RTN4R: variants seen among roughly 807,000 people sequenced by gnomAD.
The protein encoded by RTN4R is reticulon-4 receptor.
A neutral mutation model predicts 27.7 loss-of-function variants in RTN4R; 4 were observed. The observed-to-expected ratio is 0.14, with a 90% CI of 0.07 to 0.33. The LOEUF (loss-of-function observed/expected upper bound fraction) is 0.33, where lower values mean the gene tolerates loss of function less well. Among genes scored for constraint, RTN4R ranks in the 10% least tolerant of loss-of-function variants. The pLI, the probability that RTN4R is intolerant of heterozygous loss-of-function variation, is 1.00. For missense variants in RTN4R, 554 were observed against 671.5 expected, an observed-to-expected ratio of 0.83 and a Z score of 1.93; for synonymous variants, 290 against 305.6, an observed-to-expected ratio of 0.95 and a Z score of 0.53.
At position 20,255,301 on chromosome 22, in the gene RTN4R, G is replaced by A. The variant is rs1460773637; in HGVS notation, c.23-12191C>T. Among the ~76,000 whole-genome samples the A allele has an allele frequency of 6.6e-6, 1 of 152,224 alleles. No homozygotes were observed. The highest frequency in any genetic ancestry group is 1.9e-4 in the East Asian group (1 of 5,204). ...GAAAAAAAAGAAAGTGTATCTTCCAGAAGGTGGAGACAAATGTAGGTTAGA... is the reference window on the plus strand; with the variant it reads ...GAAAAAAAAGAAAGTGTATCTTCCAAAAGGTGGAGACAAATGTAGGTTAGA... On this transcript the variant is annotated intron_variant, in intron 1 of 1. Transcript: ENST00000043402. This position sits in a 1 kb window ranked among gnomAD's most constrained non-coding sequence, Gnocchi z 4.8.
chr22:20,250,436 T>A (rs2051169112), intron 1 of RTN4R, among the ~76,000 whole-genome samples: 1 of 152,234 alleles, frequency 6.6e-6, no homozygotes, highest in Non-Finnish European at 1.5e-5. Flanking sequence ...CCGACCTGGT[T>A]TGTGAGCAAG....
Position 20,256,733 on chromosome 22 carries a change from C to T in RTN4R, c.22+11338G>A, listed in dbSNP as rs937929868. ...ACTCCTCCACTGGCTGCTTCTCCGA[C>T]CCCGATCATGGCTGCAGCAGGCCTG... is the stretch of plus-strand genomic sequence containing the variant. On this transcript the variant is annotated intron_variant, in intron 1 of 1. Transcript: ENST00000043402. Among the ~76,000 whole-genome samples, 79 of 152,270 alleles carry T rather than the reference C, an allele frequency of 5.2e-4. 3 individuals carry two copies. Among genetic ancestry groups the T allele is most frequent in the Non-Finnish European group, 1.5e-5 (1 of 68,048 alleles).
chr22:20,251,230 T>C (rs866244746), intron 1 of RTN4R, among the ~76,000 whole-genome samples: 2 of 151,902 alleles, frequency 1.3e-5, no homozygotes, highest in Non-Finnish European at 2.9e-5. Context: ...GGCAGATCCG[T>C]GTCGATGTAC....
At chr22:20,260,103 A>G (rs770836325) in intron 1 of RTN4R, among the ~76,000 whole-genome samples, 3 of 152,140 alleles carry the variant, frequency 2.0e-5, no homozygotes, top group Non-Finnish European at 4.4e-5. Flanking sequence ...TCAAGTCCAC[A>G]GTCCCCCATG....
intron 1 of RTN4R, among the ~76,000 whole-genome samples, chr22:20,245,986 C>A (rs2051138691): frequency 6.6e-6 from 1 of 152,248 alleles, no homozygotes; most frequent in African/African-American, 2.4e-5. Flanking sequence ...GAGGGCTCTC[C>A]TCAGCCTCCA....
rs1569044630 is a variant in RTN4R, at chr22:20,268,305, C to CG, written c.-214dup. On this transcript the variant is annotated 5_prime_UTR_variant, in exon 1 of 2. Coordinates refer to ENST00000043402, the MANE Select transcript of RTN4R (RefSeq NM_023004.6). ...CGCAGGGCGCACAGGGCGAGGGCGG[C>CG]GGCGGCGCGGGGGTTGGGGCGTGGG... 2.5e-3 allele frequency: 2 copies of CG among 810 alleles called. No homozygotes were observed. Among genetic ancestry groups the CG allele is most frequent in the Admixed American group, 0.013 (1 of 76 alleles). The allele number at this position is 810 out of a possible 1,614,324, so 0.1% of individuals were successfully genotyped here.
intron 1 of RTN4R, among the ~76,000 whole-genome samples, chr22:20,264,235 G>T (rs1310761834): frequency 6.6e-6 from 1 of 152,254 alleles, no homozygotes; most frequent in Non-Finnish European, 1.5e-5. Context: ...ATAAATAAAT[G>T]ATGGTGCATT....
intron 1 of RTN4R, among the ~76,000 whole-genome samples, chr22:20,250,350 C>T (rs1481262728): frequency 1.3e-5 from 2 of 152,268 alleles, no homozygotes; most frequent in East Asian, 3.8e-4. Context: ...AACAGCAGAG[C>T]TGAGTTGTTA....
intron 1 of RTN4R, among the ~76,000 whole-genome samples, chr22:20,256,212 C>G (rs1421594465): frequency 6.6e-6 from 1 of 152,214 alleles, no homozygotes; most frequent in East Asian, 1.9e-4. Context: ...TCCTCAGCAT[C>G]TCTGTCTGGG....
intron 1 of RTN4R, among the ~76,000 whole-genome samples, chr22:20,266,585 C>T (rs2051277932): frequency 1.3e-5 from 2 of 152,230 alleles, no homozygotes; most frequent in Admixed American, 6.5e-5. Context: ...CAGTGTTGAC[C>T]TCATGGCCTG....
At chr22:20,265,726 G>C (rs1367742014) in intron 1 of RTN4R, among the ~76,000 whole-genome samples, 1 of 152,358 alleles carries the variant, frequency 6.6e-6, no homozygotes, top group South Asian at 2.1e-4. Context: ...CATGGATGGG[G>C]TGAGGGGCCA....
intron 1 of RTN4R, among the ~76,000 whole-genome samples, chr22:20,250,855 GCACACACACA>G (rs35094087): frequency 6.7e-6 from 1 of 150,320 alleles, no homozygotes; most frequent in African/African-American, 2.4e-5. Flanking sequence ...ACACATGCAT[GCACACACACA>G]CACACACATA....
chr22:20,253,318 C>G (rs935690390), intron 1 of RTN4R, among the ~76,000 whole-genome samples: 1 of 152,200 alleles, frequency 6.6e-6, no homozygotes, highest in Admixed American at 6.5e-5. Flanking sequence ...TGCTCAGAGT[C>G]GAGTTGCTGT....
chr22:20,268,298 A>C lies in RTN4R; in HGVS notation c.-206T>G, dbSNP rs1266141297. 18 of 1,330 alleles carry C rather than the reference A, an allele frequency of 0.014. No individual in the cohort carries two copies. Among genetic ancestry groups the C allele is most frequent in the East Asian group, 0.045 (1 of 22 alleles). The allele number at this position is 1,330 out of a possible 1,614,324, so 0.1% of individuals were successfully genotyped here. On this transcript the variant is annotated 5_prime_UTR_variant, in exon 1 of 2. Transcript: ENST00000043402. ...CAGGGCGCGCAGGGCGCACAGGGCG[A>C]GGGCGGCGGCGGCGCGGGGGTTGGG...
intron 1 of RTN4R, among the ~76,000 whole-genome samples, chr22:20,264,428 G>A (rs1307241590): frequency 6.6e-6 from 1 of 152,206 alleles, no homozygotes; most frequent in Non-Finnish European, 1.5e-5. Context: ...CAGCATGCCC[G>A]CCGCTCCGAT....
intron 1 of RTN4R, among the ~76,000 whole-genome samples, chr22:20,267,180 C>T (rs2051282684): frequency 6.6e-6 from 1 of 152,168 alleles, no homozygotes; most frequent in African/African-American, 2.4e-5. Context: ...CACACTGGGG[C>T]GGCGTTGGCT....
intron 1 of RTN4R, among the ~76,000 whole-genome samples, chr22:20,254,974 T>C (rs1432178489): frequency 6.6e-6 from 1 of 152,160 alleles, no homozygotes; most frequent in Non-Finnish European, 1.5e-5. Flanking sequence ...TGGGAAACAC[T>C]GGCTGTGAAT....
intron 1 of RTN4R, among the ~76,000 whole-genome samples, chr22:20,251,895 C>CACCATCAGTATCACCATCACT (rs1192185689): frequency 5.9e-5 from 1 of 16,996 alleles, no homozygotes; most frequent in East Asian, 1.9e-3. Flanking sequence ...CTATCACCAC[C>CACCATCAGTATCACCATCACT]ATCATCATCA....
At chr22:20,249,090 C>A in intron 1 of RTN4R, 1 of 532,586 alleles carries the variant, frequency 1.9e-6, no homozygotes, top group South Asian at 1.4e-5. Flanking sequence ...CCATGCTCCA[C>A]CAGGAGCCAA....
Sources: allele counts gnomAD v4.1 joint callset (sites outside exome capture counted in the v4.1 genomes callset), GRCh38; gene constraint gnomAD v4.1.1; non-coding constraint Gnocchi (gnomAD v3.1); transcripts MANE v1.5; gene names NCBI Gene and HGNC (gene_info 2026-07-23, HGNC 2026-07-21).